The following ROBO1 variants were observed in gnomAD, a reference collection of about 807,000 sequenced individuals.
ROBO1 encodes the protein roundabout homolog 1.
Under a neutral mutation model 195.9 loss-of-function variants are expected in ROBO1, and 149 were observed. That is an observed-to-expected ratio of 0.76 (90% CI 0.67 to 0.87). ROBO1 has a LOEUF of 0.87. Among genes scored for constraint, ROBO1 ranks in the 40% least tolerant of loss-of-function variants. The pLI, the probability that ROBO1 is intolerant of heterozygous loss-of-function variation, is 0.00. For synonymous variants in ROBO1, 816 were observed against 733.2 expected (o/e 1.11, Z -1.82); for missense variants, 1,933 against 2,068.3 (o/e 0.93, Z 1.27).
At chr3:79,327,612 G>T (rs1293573575) in intron 2 of ROBO1, among the ~76,000 whole-genome samples, 1 of 151,926 alleles carries the variant, frequency 6.6e-6, no homozygotes, top group African/African-American at 2.4e-5. Flanking sequence ...TATGTCTGAA[G>T]AACAGGAAAA....
intron 2 of ROBO1, among the ~76,000 whole-genome samples, chr3:79,158,788 C>G (rs1274377259): frequency 1.3e-5 from 2 of 151,616 alleles, no homozygotes; most frequent in African/African-American, 4.8e-5. Context: ...ATGTTCATAC[C>G]ATATTTAATA....
intron 1 of ROBO1, among the ~76,000 whole-genome samples, chr3:79,684,096 T>A (rs926704540): frequency 6.6e-6 from 1 of 152,138 alleles, no homozygotes; most frequent in Admixed American, 6.6e-5. Context: ...TTTCTTCAGA[T>A]CTTCACCAAT....
At chr3:79,330,152 T>C (rs1288263723) in intron 2 of ROBO1, among the ~76,000 whole-genome samples, 1 of 151,382 alleles carries the variant, frequency 6.6e-6, no homozygotes, top group Non-Finnish European at 1.5e-5. Flanking sequence ...TCCTTAAAAA[T>C]GTGTGTATGT....
At chr3:79,603,381 C>A (rs890510681) in intron 1 of ROBO1, among the ~76,000 whole-genome samples, 6 of 151,954 alleles carry the variant, frequency 3.9e-5, no homozygotes, top group Admixed American at 3.9e-4. Flanking sequence ...CCTCTTGACA[C>A]AACAATACCC....
At chr3:79,324,608 A>G (rs2034128201) in intron 2 of ROBO1, among the ~76,000 whole-genome samples, 1 of 152,150 alleles carries the variant, frequency 6.6e-6, no homozygotes, top group African/African-American at 2.4e-5. Flanking sequence ...AAACAGACAA[A>G]AAAAGCTTGG....
At chr3:79,528,516 A>C (rs903164486) in intron 2 of ROBO1, among the ~76,000 whole-genome samples, 2 of 152,226 alleles carry the variant, frequency 1.3e-5, no homozygotes, top group Admixed American at 1.3e-4. Context: ...ATTTTATCAA[A>C]ATATTGCACA....
rs372283898 is a variant in ROBO1 at position 78,646,141 on chromosome 3, T to G, written c.2882+7A>C. 371 of 1,605,344 alleles carry G rather than the reference T, an allele frequency of 2.3e-4. 2 individuals carry two copies. The Middle Eastern group carries it at 8.8e-3, about 38-fold the overall frequency. ...TGTAGGATCTACAAAACAAGCAAGATAATTACCTCCCTCCACTGCTGACAG... is the reference window on the plus strand; with the variant it reads ...TGTAGGATCTACAAAACAAGCAAGAGAATTACCTCCCTCCACTGCTGACAG... On this transcript the variant is annotated splice_region_variant and intron_variant, in intron 21 of 30. Transcript: ENST00000464233.
intron 2 of ROBO1, among the ~76,000 whole-genome samples, chr3:79,351,253 T>A (rs2035330587): frequency 6.6e-6 from 1 of 152,196 alleles, no homozygotes; most frequent in South Asian, 2.1e-4. Context: ...TCTGACTTGG[T>A]CACAGATAAT....
chr3:79,763,142 T>C (rs185643479), intron 1 of ROBO1, among the ~76,000 whole-genome samples: 1 of 152,264 alleles, frequency 6.6e-6, no homozygotes, highest in East Asian at 1.9e-4. Flanking sequence ...TTTGGAAATA[T>C]AGGTATGACA....
At chr3:79,121,305 A>T (rs2080111657) in intron 3 of ROBO1, among the ~76,000 whole-genome samples, 1 of 152,132 alleles carries the variant, frequency 6.6e-6, no homozygotes, top group Non-Finnish European at 1.5e-5. Flanking sequence ...ATGTAGGGAG[A>T]CACAAGAATC....
chr3:79,757,961 A>G (rs1704495248), intron 1 of ROBO1, among the ~76,000 whole-genome samples: 1 of 152,164 alleles, frequency 6.6e-6, no homozygotes, highest in Non-Finnish European at 1.5e-5. Context: ...GATGGTTCAC[A>G]TTGTCATTAC....
chr3:79,465,234 G>T (rs1390583089), intron 2 of ROBO1, among the ~76,000 whole-genome samples: 1 of 152,070 alleles, frequency 6.6e-6, no homozygotes, highest in Non-Finnish European at 1.5e-5. Flanking sequence ...TAGAAACAAA[G>T]AACATTATTT....
At chr3:79,399,276 T>C (rs1559871628) in intron 2 of ROBO1, among the ~76,000 whole-genome samples, 2 of 152,120 alleles carry the variant, frequency 1.3e-5, no homozygotes, top group African/African-American at 2.4e-5. Flanking sequence ...CTCCTGCAAG[T>C]TGCTTCCCAT....
chr3:78,609,378 A>C (rs1297301250), intron 28 of ROBO1, among the ~76,000 whole-genome samples: 3 of 152,140 alleles, frequency 2.0e-5, no homozygotes, highest in Non-Finnish European at 4.4e-5. Flanking sequence ...AAGTCTCATA[A>C]CTGCAGGGAG....
At chr3:79,458,495 G>A (rs1641087743) in intron 2 of ROBO1, among the ~76,000 whole-genome samples, 1 of 152,132 alleles carries the variant, frequency 6.6e-6, no homozygotes, top group Non-Finnish European at 1.5e-5. Flanking sequence ...GGGGATGAAT[G>A]CTCAACAGTA....
chr3:78,672,234 C>T (rs1708104242), intron 10 of ROBO1, among the ~76,000 whole-genome samples: 1 of 143,430 alleles, frequency 7.0e-6, no homozygotes, highest in South Asian at 2.3e-4. Context: ...CACTAGTGTC[C>T]TCTTTGGTAA....
chr3:78,750,331 TAG>T (rs1430045169), intron 4 of ROBO1, among the ~76,000 whole-genome samples: 1 of 151,516 alleles, frequency 6.6e-6, no homozygotes, highest in Non-Finnish European at 1.5e-5. Flanking sequence ...CGGGCACCTG[TAG>T]TTGCAGCTAC....
chr3:79,411,849 C>A (rs564045857), intron 2 of ROBO1, among the ~76,000 whole-genome samples: 1 of 152,114 alleles, frequency 6.6e-6, no homozygotes, highest in East Asian at 1.9e-4. Context: ...GCTACGCAGA[C>A]CCTGATGCAT....
At chr3:79,566,163 C>A (rs553694742) in intron 2 of ROBO1, among the ~76,000 whole-genome samples, 3 of 152,100 alleles carry the variant, frequency 2.0e-5, no homozygotes, top group South Asian at 2.1e-4. Context: ...AAGGCTAGAC[C>A]AAAAAGAAAA....
Sources: gnomAD v4.1 joint callset for allele counts (sites outside exome capture counted in the v4.1 genomes callset) on GRCh38, gnomAD v4.1.1 for gene constraint, MANE v1.5 for transcripts, NCBI Gene and HGNC (gene_info 2026-07-23, HGNC 2026-07-21) for gene names.